The following CACNA2D1 variants were observed in gnomAD, a reference collection of about 807,000 sequenced individuals.
CACNA2D1 encodes calcium voltage-gated channel auxiliary subunit alpha2delta 1.
A neutral mutation model predicts 171.5 loss-of-function variants in CACNA2D1; 53 were observed. The ratio of observed to expected loss-of-function variants is 0.31; its 90% CI spans 0.25 to 0.39. The LOEUF (loss-of-function observed/expected upper bound fraction) is 0.39, where lower values mean the gene tolerates loss of function less well. Among genes scored for constraint, CACNA2D1 ranks in the 10% least tolerant of loss-of-function variants. The pLI is 1.00. For synonymous variants in CACNA2D1, 442 were observed against 443.1 expected (o/e 1.00, Z 0.03); for missense variants, 903 against 1,299.8 (o/e 0.69, Z 4.69).
chr7:81,989,749 G>A (rs1253085077), intron 21 of CACNA2D1, among the ~76,000 whole-genome samples: 2 of 152,142 alleles, frequency 1.3e-5, no homozygotes, highest in Non-Finnish European at 2.9e-5. Flanking sequence ...CTGGTATTTT[G>A]CCAAATTGCT....
At chr7:82,064,872 T>C (rs1235602915) in intron 8 of CACNA2D1, among the ~76,000 whole-genome samples, 2 of 152,198 alleles carry the variant, frequency 1.3e-5, no homozygotes, top group East Asian at 3.9e-4. Context: ...TCTCAAACTT[T>C]ACAGTGTTTA....
At chr7:82,341,038 T>C (rs1289473301) in intron 2 of CACNA2D1, among the ~76,000 whole-genome samples, 4 of 152,182 alleles carry the variant, frequency 2.6e-5, no homozygotes, top group Non-Finnish European at 5.9e-5. Flanking sequence ...TTAGTTGAAT[T>C]TTGCAACGTG....
intron 3 of CACNA2D1, among the ~76,000 whole-genome samples, chr7:82,317,832 A>C (rs186557739): frequency 1.3e-5 from 2 of 152,126 alleles, no homozygotes; most frequent in East Asian, 3.9e-4. Flanking sequence ...TCCAATAAAC[A>C]GTTATTTGGG....
At chr7:81,989,227 C>A (rs1034548482) in intron 21 of CACNA2D1, among the ~76,000 whole-genome samples, 2 of 152,196 alleles carry the variant, frequency 1.3e-5, no homozygotes. Context: ...GATAAATTCA[C>A]AGAGCTGACG....
chr7:82,150,316 C>CT (rs1554432590), intron 4 of CACNA2D1, among the ~76,000 whole-genome samples: 10,370 of 128,362 alleles, frequency 0.081, 462 homozygotes, highest in Middle Eastern at 0.16. Context: ...GGTTCATCTA[C>CT]TTTTTTTTTC....
At chr7:82,314,147 G>A (rs1056000271) in intron 3 of CACNA2D1, among the ~76,000 whole-genome samples, 6 of 152,104 alleles carry the variant, frequency 3.9e-5, no homozygotes, top group African/African-American at 1.4e-4. Context: ...AATCCCAAAG[G>A]ATCAAAGGTT....
chr7:82,423,187 C>T (rs1375081229), intron 1 of CACNA2D1, among the ~76,000 whole-genome samples: 1 of 151,836 alleles, frequency 6.6e-6, no homozygotes, highest in East Asian at 1.9e-4. Context: ...CCCCATAGGC[C>T]AAATATATTT....
At chr7:82,312,922 T>C (rs908827954) in intron 3 of CACNA2D1, among the ~76,000 whole-genome samples, 4 of 152,168 alleles carry the variant, frequency 2.6e-5, no homozygotes, top group African/African-American at 7.2e-5. Context: ...CTAAAAGTAC[T>C]AATTTACAGA....
chr7:82,023,097 A>C (rs901498236), intron 12 of CACNA2D1, among the ~76,000 whole-genome samples: 1 of 151,594 alleles, frequency 6.6e-6, no homozygotes, highest in Non-Finnish European at 1.5e-5. Flanking sequence ...TTATCTTTCA[A>C]CTCTGTGTCT....
intron 3 of CACNA2D1, among the ~76,000 whole-genome samples, chr7:82,253,599 C>T (rs1451859027): frequency 2.0e-5 from 3 of 152,022 alleles, no homozygotes; most frequent in Admixed American, 2.0e-4. Flanking sequence ...TCTTGAGATA[C>T]CGGCATACAA....
At chr7:82,148,763 G>A (rs895705060) in intron 4 of CACNA2D1, among the ~76,000 whole-genome samples, 13 of 152,022 alleles carry the variant, frequency 8.6e-5, no homozygotes, top group South Asian at 4.2e-4. Context: ...TCAGCCTCCC[G>A]AGTAGCTGGG....
intron 3 of CACNA2D1, among the ~76,000 whole-genome samples, chr7:82,328,580 G>A (rs1816923271): frequency 6.6e-6 from 1 of 151,964 alleles, no homozygotes; most frequent in East Asian, 1.9e-4. Context: ...GCATGACCTC[G>A]ATCTTCTCTG....
chr7:82,364,429 T>C (rs1467486998), intron 1 of CACNA2D1, among the ~76,000 whole-genome samples: 1 of 152,148 alleles, frequency 6.6e-6, no homozygotes, highest in Non-Finnish European at 1.5e-5. Flanking sequence ...CCCTGACTGG[T>C]TAAGAGAAAT....
chr7:82,286,967 T>C (rs562208541), intron 3 of CACNA2D1, among the ~76,000 whole-genome samples: 1 of 152,190 alleles, frequency 6.6e-6, no homozygotes, highest in South Asian at 2.1e-4. Context: ...AGGTGCTCTT[T>C]GCATCCTGCA....
At chr7:82,167,519 T>G (rs1262153612) in intron 4 of CACNA2D1, among the ~76,000 whole-genome samples, 1 of 152,084 alleles carries the variant, frequency 6.6e-6, no homozygotes, top group Non-Finnish European at 1.5e-5. Context: ...TAGTCTTCAT[T>G]GAGGTTCTAT....
chr7:82,369,367 A>G (rs1008113901), intron 1 of CACNA2D1, among the ~76,000 whole-genome samples: 2 of 151,234 alleles, frequency 1.3e-5, no homozygotes, highest in African/African-American at 4.9e-5. Flanking sequence ...GGACTTTTTC[A>G]TCTAGTATAT....
intron 1 of CACNA2D1, among the ~76,000 whole-genome samples, chr7:82,422,036 A>T (rs1445724451): frequency 6.6e-6 from 1 of 152,198 alleles, no homozygotes; most frequent in African/African-American, 2.4e-5. Flanking sequence ...GAGAATACTT[A>T]ATTTTTAAAT....
chr7:82,024,848 A>G (rs1343688810), intron 12 of CACNA2D1, among the ~76,000 whole-genome samples: 2 of 151,626 alleles, frequency 1.3e-5, no homozygotes, highest in Non-Finnish European at 3.0e-5. Context: ...ATCCAATTTC[A>G]TCTTTATTTG....
intron 4 of CACNA2D1, among the ~76,000 whole-genome samples, chr7:82,165,263 C>G (rs1459673028): frequency 2.6e-5 from 4 of 151,960 alleles, no homozygotes; most frequent in Admixed American, 2.6e-4. Flanking sequence ...GAAATTTACC[C>G]AGCCTCATTT....
Sources: gnomAD v4.1 joint callset for allele counts (sites outside exome capture counted in the v4.1 genomes callset) on GRCh38, gnomAD v4.1.1 for gene constraint, MANE v1.5 for transcripts, NCBI Gene and HGNC (gene_info 2026-07-23, HGNC 2026-07-21) for gene names.